GALNT18: variants seen among roughly 807,000 people sequenced by gnomAD.
GALNT18 encodes the protein polypeptide N-acetylgalactosaminyltransferase 18, also known as GalNAc-transferase 18.
Under a neutral mutation model 69.5 loss-of-function variants are expected in GALNT18, and 44 were observed. That is an observed-to-expected ratio of 0.63 (90% CI 0.50 to 0.81). The LOEUF is 0.81. Ranked by LOEUF, GALNT18 falls within the 40% of genes least tolerant of loss-of-function variation. GALNT18 has a pLI of 0.00. For synonymous variants in GALNT18, 364 were observed against 318.2 expected (o/e 1.14, Z -1.53); for missense variants, 715 against 810.0 (o/e 0.88, Z 1.42).
intron 1 of GALNT18, among the ~76,000 whole-genome samples, chr11:11,597,906 C>G (rs1464009993): frequency 6.6e-6 from 1 of 152,066 alleles, no homozygotes; most frequent in Non-Finnish European, 1.5e-5. Flanking sequence ...ATGATCCACC[C>G]GTCTCGGCCT....
rs996751714 is a variant in GALNT18 at position 11,602,674 on chromosome 11, C to G, written c.235+18685G>C. Among the ~76,000 whole-genome samples, 1 of 151,968 alleles carries G rather than the reference C, an allele frequency of 6.6e-6. No homozygotes were observed. Among genetic ancestry groups the G allele is most frequent in the East Asian group, 1.9e-4 (1 of 5,190 alleles). On this transcript the variant is annotated intron_variant, in intron 1 of 10. Transcript: ENST00000227756. This position sits in a 1 kb window ranked among gnomAD's most constrained non-coding sequence, Gnocchi z 4.7. The stretch of plus-strand genomic sequence containing the variant: ...ATGGGTGTTGTTTAATAATTTTTAC[C>G]AGTTATGTTGTTTCACTGGGCAAAG...
intron 1 of GALNT18, among the ~76,000 whole-genome samples, chr11:11,575,587 C>T (rs545404318): frequency 4.0e-4 from 61 of 152,314 alleles, no homozygotes; most frequent in African/African-American, 7.5e-4. Flanking sequence ...TTCGGGCAAA[C>T]GTTGAATTGA....
chr11:11,394,994 C>T (rs1854293454), intron 3 of GALNT18, among the ~76,000 whole-genome samples: 1 of 152,246 alleles, frequency 6.6e-6, no homozygotes, highest in South Asian at 2.1e-4. Context: ...CTGAAGACAA[C>T]TCAGCACACA....
Position 11,606,330 on chromosome 11 carries a change from T to G in GALNT18, c.235+15029A>C, listed in dbSNP as rs183537163. ...CCACAGTCTAATGAGAAAAGCAGAC[T>G]AATAATTACAGGACAGTATGATTTT... is the stretch of plus-strand genomic sequence containing the variant. On this transcript the variant is annotated intron_variant, in intron 1 of 10. Coordinates refer to ENST00000227756, the MANE Select transcript of GALNT18 (RefSeq NM_198516.3). The surrounding 1 kb of genome is among the most constrained non-coding windows in gnomAD (Gnocchi z 5.4). Among the ~76,000 whole-genome samples the G allele has an allele frequency of 6.6e-6, 1 of 152,322 alleles. No homozygotes were observed. Among genetic ancestry groups the G allele is most frequent in the East Asian group, 1.9e-4 (1 of 5,178 alleles).
intron 1 of GALNT18, among the ~76,000 whole-genome samples, chr11:11,478,416 A>G (rs1856447978): frequency 1.3e-5 from 2 of 152,228 alleles, no homozygotes; most frequent in African/African-American, 2.4e-5. Flanking sequence ...GTAAACCAAG[A>G]AAAAGGAAGA....
chr11:11,536,824 A>G (rs1857783794), intron 1 of GALNT18, among the ~76,000 whole-genome samples: 1 of 152,254 alleles, frequency 6.6e-6, no homozygotes, highest in Non-Finnish European at 1.5e-5. Flanking sequence ...CCTGCTTTGC[A>G]AAAACAATGA....
chr11:11,372,582 T>A lies in GALNT18; in HGVS notation c.1025A>T (p.Gln342Leu). 2.5e-6 allele frequency: 4 copies of A among 1,614,198 alleles called. No homozygotes were observed. Among genetic ancestry groups the A allele is most frequent in the Non-Finnish European group, 3.4e-6 (4 of 1,180,034 alleles). Residue 342 changes from glutamine (Q) to leucine (L), a missense_variant, in exon 6 of 11, where the codon CAG (glutamine) becomes CTG (leucine). Transcript: ENST00000227756. The surrounding 1 kb of genome is among the most constrained non-coding windows in gnomAD (Gnocchi z 4.9). ...GCFIVDRQYF[Q>L]EIGLLDEGME... is the part of the protein sequence containing the mutation. ...GCCTTCGTCCAGCAGGCCGATCTCC[T>A]GGAAGTACTGCCGGTCCACAATGAA...
intron 9 of GALNT18, among the ~76,000 whole-genome samples, chr11:11,325,789 TG>T (rs1376826381): frequency 1.3e-5 from 2 of 152,160 alleles, no homozygotes; most frequent in African/African-American, 4.8e-5. Flanking sequence ...GTTGCCATAC[TG>T]GGTTGTGTGA....
intron 1 of GALNT18, among the ~76,000 whole-genome samples, chr11:11,531,454 G>A (rs183418135): frequency 2.6e-5 from 4 of 152,304 alleles, no homozygotes; most frequent in East Asian, 1.9e-4. Context: ...GAGTGCATAC[G>A]CATCGGGCTG....
In GALNT18 at chr11:11,353,270, T is replaced by C. The variant is rs2133070005; in HGVS notation, c.1093-12266A>G. 7.0e-6 allele frequency: 6 copies of C among 855,560 alleles called. No individual in the cohort carries two copies. The East Asian group carries it at 1.3e-4, about 19-fold the overall frequency. 53.0% of individuals were successfully genotyped at this position (855,560 alleles called of 1,614,324 possible). ...CAGCGGCTGTGGCCGCTCTCCCTTC[T>C]GCTCACACAGACAATATGGCGGCGA... On this transcript the variant is annotated intron_variant, in intron 6 of 10. Transcript: ENST00000227756.
In GALNT18 at chr11:11,603,205, A is replaced by T. The variant is rs1199216003; in HGVS notation, c.235+18154T>A. 1.3e-5 allele frequency among the ~76,000 whole-genome samples: 2 copies of T among 152,218 alleles called. No homozygotes were observed. Among genetic ancestry groups the T allele is most frequent in the African/African-American group, 4.8e-5 (2 of 41,468 alleles). On this transcript the variant is annotated intron_variant, in intron 1 of 10. Coordinates refer to ENST00000227756, the MANE Select transcript of GALNT18 (RefSeq NM_198516.3). The surrounding 1 kb of genome is among the most constrained non-coding windows in gnomAD (Gnocchi z 4.5). ...ACATGGAGAAAACTGGGCTGTAAAC[A>T]AATAATACCCAACAGCCAAGACTAA...
Position 11,591,321 on chromosome 11 carries a change from C to T in GALNT18, c.235+30038G>A, listed in dbSNP as rs1859357383. Among the ~76,000 whole-genome samples, 1 of 152,144 alleles carries T rather than the reference C, an allele frequency of 6.6e-6. No individual in the cohort carries two copies. The highest frequency in any genetic ancestry group is 1.5e-5 in the Non-Finnish European group (1 of 68,028). On this transcript the variant is annotated intron_variant, in intron 1 of 10. Transcript: ENST00000227756. This position sits in a 1 kb window ranked among gnomAD's most constrained non-coding sequence, Gnocchi z 4.8. Reference sequence around the variant, plus strand: ...TTGCACACTGATAATACTGTGTTAACAATGCATTTCTCAGAACATATCCCC... The same window carrying T: ...TTGCACACTGATAATACTGTGTTAATAATGCATTTCTCAGAACATATCCCC...
At chr11:11,437,023 G>A (rs943752292) in intron 2 of GALNT18, among the ~76,000 whole-genome samples, 11 of 152,122 alleles carry the variant, frequency 7.2e-5, no homozygotes, top group African/African-American at 2.4e-4. Flanking sequence ...CACACACTCT[G>A]CTCCAGTCCT....
chr11:11,408,868 G>A (rs1359634261), intron 3 of GALNT18, among the ~76,000 whole-genome samples: 1 of 152,146 alleles, frequency 6.6e-6, no homozygotes, highest in Non-Finnish European at 1.5e-5. Flanking sequence ...GGAACCACTT[G>A]ATTTGGGTCA....
At chr11:11,534,309 A>G (rs1247904081) in intron 1 of GALNT18, among the ~76,000 whole-genome samples, 1 of 152,236 alleles carries the variant, frequency 6.6e-6, no homozygotes, top group Admixed American at 6.5e-5. Flanking sequence ...GAGATCTGCC[A>G]GAACCCTCTG....
At chr11:11,345,824 G>A (rs10765837) in intron 6 of GALNT18, among the ~76,000 whole-genome samples, 145,060 of 152,182 alleles carry the variant, frequency 0.95, 69,500 homozygotes, top group East Asian at 1. Flanking sequence ...AGGTGTGGTC[G>A]CAGGGAACAG....
chr11:11,508,203 C>T (rs1198340686), intron 1 of GALNT18, among the ~76,000 whole-genome samples: 1 of 152,118 alleles, frequency 6.6e-6, no homozygotes, highest in East Asian at 1.9e-4. Flanking sequence ...TCTTTTTGGT[C>T]TCCTTTGGTC....
Position 11,271,231 on chromosome 11 carries a change from G to A in GALNT18, c.1737C>T (p.Asp579=). Residue 579 remains aspartate (D), a synonymous_variant, in exon 11 of 11, where the codon GAC becomes GAT. Coordinates refer to ENST00000227756, the MANE Select transcript of GALNT18 (RefSeq NM_198516.3). ...KRCLELQENS[D]LEFGFQLVLQ... is the part of the protein sequence containing the mutation. ...ACACCAGCTGGAAGCCGAACTCCAG[G>A]TCGCTATTCTCCTGCAGCTCCAGAC... 2 of 1,614,126 alleles carry A rather than the reference G, an allele frequency of 1.2e-6. No individual in the cohort carries two copies. The highest frequency in any genetic ancestry group is 2.2e-5 in the East Asian group (1 of 44,866).
intron 1 of GALNT18, among the ~76,000 whole-genome samples, chr11:11,513,708 G>A (rs77990257): frequency 0.13 from 20,113 of 152,202 alleles, 1,735 homozygotes; most frequent in Middle Eastern, 0.18. Flanking sequence ...TTTATTTCCC[G>A]GGACGTTTAC....
Sources: allele counts gnomAD v4.1 joint callset (sites outside exome capture counted in the v4.1 genomes callset), GRCh38; gene constraint gnomAD v4.1.1; non-coding constraint Gnocchi (gnomAD v3.1); transcripts MANE v1.5; gene names NCBI Gene and HGNC (gene_info 2026-07-23, HGNC 2026-07-21).